RGS7: variants seen among roughly 807,000 people sequenced by gnomAD.
The protein encoded by RGS7 is regulator of G protein signaling 7, also known as regulator of G-protein signaling 7.
RGS7 carries 27 observed loss-of-function variants against 81.1 expected under a neutral mutation model. The observed-to-expected ratio is 0.33, with a 90% confidence interval of 0.25 to 0.46. RGS7 has a LOEUF of 0.46. Among genes scored for constraint, RGS7 ranks in the 20% least tolerant of loss-of-function variants. The pLI, the probability that RGS7 is intolerant of heterozygous loss-of-function variation, is 1.00. For synonymous variants in RGS7, 208 were observed against 207.7 expected (o/e 1.00, Z -0.01); for missense variants, 396 against 607.4 (o/e 0.65, Z 3.66).
chr1:241,029,100 G>GGTT (rs1351024833), intron 3 of RGS7, among the ~76,000 whole-genome samples: 1 of 151,900 alleles, frequency 6.6e-6, no homozygotes, highest in Non-Finnish European at 1.5e-5. Flanking sequence ...GGCTCGGTAG[G>GGTT]GTTGTAGGTT....
chr1:241,065,490 A>G (rs1473008729), intron 3 of RGS7, among the ~76,000 whole-genome samples: 1 of 152,078 alleles, frequency 6.6e-6, no homozygotes, highest in Non-Finnish European at 1.5e-5. Context: ...ATGTTGTAGG[A>G]AACACCTCGA....
intron 9 of RGS7, among the ~76,000 whole-genome samples, chr1:240,836,526 A>C (rs948328574): frequency 6.6e-6 from 1 of 152,322 alleles, no homozygotes; most frequent in South Asian, 2.1e-4. Flanking sequence ...AGGAAACAGA[A>C]TATCAAGGAT....
At chr1:241,231,510 C>T (rs542966802) in intron 2 of RGS7, among the ~76,000 whole-genome samples, 1 of 151,242 alleles carries the variant, frequency 6.6e-6, no homozygotes, top group Non-Finnish European at 1.5e-5. Context: ...AGGCACGCAC[C>T]ACCACGCCTG....
At chr1:240,862,902 C>T (rs956614943) in intron 9 of RGS7, among the ~76,000 whole-genome samples, 22 of 149,122 alleles carry the variant, frequency 1.5e-4, no homozygotes, top group African/African-American at 9.9e-5. Context: ...TTTTTTTTTA[C>T]GAATAATTTC....
Position 240,981,551 on chromosome 1 carries a change from A to G in RGS7, c.226+1528T>C, listed in dbSNP as rs75227950. On this transcript the variant is annotated intron_variant, in intron 4 of 18. Transcript: ENST00000440928. ...GCACTGGGATTATTTGTCTGGTCCTATAGTTTTAAAAAAACAGGCATGCCA... is the reference window on the plus strand; with the variant it reads ...GCACTGGGATTATTTGTCTGGTCCTGTAGTTTTAAAAAAACAGGCATGCCA... Among the ~76,000 whole-genome samples, 716 of 152,288 alleles carry G rather than the reference A, an allele frequency of 4.7e-3. 7 individuals carry two copies. Among genetic ancestry groups the G allele is most frequent in the African/African-American group, 0.016 (684 of 41,568 alleles).
At chr1:241,185,144 C>T (rs1395383992) in intron 2 of RGS7, among the ~76,000 whole-genome samples, 3 of 152,114 alleles carry the variant, frequency 2.0e-5, no homozygotes, top group Non-Finnish European at 1.5e-5. Context: ...ACTTTGAGAA[C>T]CACTAGTCAG....
chr1:241,128,777 C>CAAAAAAAAAAAA (rs71172680), intron 2 of RGS7, among the ~76,000 whole-genome samples: 6 of 77,940 alleles, frequency 7.7e-5, no homozygotes, highest in Admixed American at 1.6e-4. Context: ...GAATAATAGG[C>CAAAAAAAAAAAA]AAAAAAAAAA....
chr1:241,092,009 G>A (rs2063918458), intron 3 of RGS7, among the ~76,000 whole-genome samples: 1 of 152,092 alleles, frequency 6.6e-6, no homozygotes, highest in South Asian at 2.1e-4. Flanking sequence ...GGTCATCAGG[G>A]TTTAAAGCCT....
intron 2 of RGS7, among the ~76,000 whole-genome samples, chr1:241,117,581 G>A (rs1253930274): frequency 6.6e-6 from 1 of 152,132 alleles, no homozygotes; most frequent in Non-Finnish European, 1.5e-5. Flanking sequence ...AAACTGAGTG[G>A]AGGGACTTAA....
chr1:240,992,227 G>A (rs1463329655), intron 3 of RGS7, among the ~76,000 whole-genome samples: 3 of 152,198 alleles, frequency 2.0e-5, no homozygotes, highest in Non-Finnish European at 4.4e-5. Flanking sequence ...GCTCAGGCCG[G>A]GCGCGTTGGC....
intron 4 of RGS7, among the ~76,000 whole-genome samples, chr1:240,938,491 A>G (rs573165628): frequency 6.6e-6 from 1 of 152,314 alleles, no homozygotes; most frequent in African/African-American, 2.4e-5. Flanking sequence ...ACAGCAAAGC[A>G]TAAGAATCCC....
intron 6 of RGS7, among the ~76,000 whole-genome samples, chr1:240,913,509 T>C (rs1672094246): frequency 6.6e-6 from 1 of 152,246 alleles, no homozygotes; most frequent in Admixed American, 6.5e-5. Context: ...AATGTTTTAG[T>C]TCCTTTTAAT....
intron 3 of RGS7, among the ~76,000 whole-genome samples, chr1:240,988,385 C>T (rs1039454591): frequency 2.0e-5 from 3 of 151,842 alleles, no homozygotes; most frequent in African/African-American, 7.3e-5. Flanking sequence ...AAATTAAACT[C>T]AGTTTAAAAC....
At chr1:241,057,017 T>G (rs371123442) in intron 3 of RGS7, among the ~76,000 whole-genome samples, 4 of 152,128 alleles carry the variant, frequency 2.6e-5, no homozygotes. Context: ...ACACCGTTGA[T>G]ATATGACTAT....
At chr1:240,854,788 TACTTTAGTAC>T (rs1328005827) in intron 9 of RGS7, among the ~76,000 whole-genome samples, 2 of 152,200 alleles carry the variant, frequency 1.3e-5, no homozygotes, top group African/African-American at 4.8e-5. Context: ...TCCTCTCACT[TACTTTAGTAC>T]TTCACATCCC....
intron 2 of RGS7, among the ~76,000 whole-genome samples, chr1:241,233,000 T>G (rs993075351): frequency 3.3e-5 from 5 of 152,188 alleles, no homozygotes; most frequent in Non-Finnish European, 5.9e-5. Context: ...CTTATAATCT[T>G]TTTACAGGAA....
At chr1:240,949,404 C>T (rs1046153969) in intron 4 of RGS7, among the ~76,000 whole-genome samples, 3 of 152,168 alleles carry the variant, frequency 2.0e-5, no homozygotes, top group African/African-American at 7.2e-5. Context: ...TCCATTCACC[C>T]ATCTGCTGTC....
chr1:240,980,899 T>C (rs1411973482), intron 4 of RGS7, among the ~76,000 whole-genome samples: 3 of 152,208 alleles, frequency 2.0e-5, no homozygotes, highest in African/African-American at 7.2e-5. Context: ...TTTGACTTCA[T>C]CTTGTCATAA....
intron 3 of RGS7, among the ~76,000 whole-genome samples, chr1:241,055,983 T>C (rs1209206196): frequency 1.3e-5 from 2 of 152,210 alleles, no homozygotes; most frequent in Non-Finnish European, 2.9e-5. Flanking sequence ...AGGCTATGTG[T>C]GTATTTGTTT....
Sources: allele counts gnomAD v4.1 joint callset (sites outside exome capture counted in the v4.1 genomes callset), GRCh38; gene constraint gnomAD v4.1.1; transcripts MANE v1.5; gene names NCBI Gene and HGNC (gene_info 2026-07-23, HGNC 2026-07-21).